The following GLIS3 variants were observed in gnomAD, a reference collection of about 807,000 sequenced individuals.
GLIS3 encodes the protein GLIS family zinc finger 3.
Under a neutral mutation model 78.6 loss-of-function variants are expected in GLIS3, and 53 were observed. The ratio of observed to expected loss-of-function variants is 0.67; its 90% CI spans 0.54 to 0.85. The LOEUF (loss-of-function observed/expected upper bound fraction) is 0.85, where lower values mean the gene tolerates loss of function less well. GLIS3 is among the 40% of genes least tolerant of loss of function. GLIS3 has a pLI of 0.00. For missense variants in GLIS3, 1,703 were observed against 1,231.1 expected (o/e 1.38, Z -5.74); for synonymous variants, 684 against 509.9 (o/e 1.34, Z -4.60).
intron 9 of GLIS3, among the ~76,000 whole-genome samples, chr9:3,842,472 A>C (rs1184639369): frequency 6.6e-6 from 1 of 152,186 alleles, no homozygotes; most frequent in Non-Finnish European, 1.5e-5. Flanking sequence ...ACTCTGTCTC[A>C]AAAAGACCTC....
At chr9:4,234,859 A>T (rs903744559) in intron 2 of GLIS3, among the ~76,000 whole-genome samples, 3 of 152,206 alleles carry the variant, frequency 2.0e-5, no homozygotes, top group Non-Finnish European at 4.4e-5. Flanking sequence ...GGTTTATCTG[A>T]CTATGGACCT....
At chr9:4,324,618 A>G (rs1362664222) in intron 2 of GLIS3, among the ~76,000 whole-genome samples, 1 of 152,212 alleles carries the variant, frequency 6.6e-6, no homozygotes. Flanking sequence ...AGATTCTGAA[A>G]TATCTTCTCA....
the GLIS3 span, among the ~76,000 whole-genome samples, chr9:4,454,138 T>A: frequency 7.7e-6 from 1 of 129,872 alleles, no homozygotes; most frequent in Admixed American, 8.4e-5. Context: ...TTTTGACAAA[T>A]GTATATGATG....
chr9:4,130,166 T>G (rs559628665), intron 2 of GLIS3, among the ~76,000 whole-genome samples: 1 of 152,316 alleles, frequency 6.6e-6, no homozygotes, highest in South Asian at 2.1e-4. Context: ...TTTATATATG[T>G]GAGCAAAGAA....
At chr9:4,251,726 T>C (rs1824410174) in intron 2 of GLIS3, among the ~76,000 whole-genome samples, 1 of 152,224 alleles carries the variant, frequency 6.6e-6, no homozygotes, top group African/African-American at 2.4e-5. Flanking sequence ...TTGGTATGTT[T>C]TTGCAGTGGC....
rs1821111601 is a variant in GLIS3, at chr9:3,873,663, GA to G, written c.2297+5763del. Among the ~76,000 whole-genome samples the G allele has an allele frequency of 2.0e-5, 3 of 151,156 alleles. No individual in the cohort carries two copies. In the South Asian group the frequency reaches 6.2e-4, roughly 31 times the overall value. On this transcript the variant is annotated intron_variant, in intron 8 of 10. Transcript: ENST00000381971. ...TAAATTTGCACAAAAATAAAATAAA[GA>G]TAAAAAATAAAGAAAATAAAGTCAA...
intron 2 of GLIS3, among the ~76,000 whole-genome samples, chr9:4,176,163 T>G (rs919142762): frequency 6.6e-6 from 1 of 152,132 alleles, no homozygotes; most frequent in African/African-American, 2.4e-5. Context: ...AATCAAGATC[T>G]GGTGGCACTT....
At chr9:3,891,060 C>T (rs55661234) in intron 7 of GLIS3, among the ~76,000 whole-genome samples, 19,378 of 92,640 alleles carry the variant, frequency 0.21, 1,544 homozygotes, top group South Asian at 0.27. Flanking sequence ...CTTTTCCTTC[C>T]TTCCTCAAAA....
intron 8 of GLIS3, among the ~76,000 whole-genome samples, chr9:3,868,541 CTT>C (rs1311125103): frequency 6.6e-6 from 1 of 152,188 alleles, no homozygotes; most frequent in Admixed American, 6.5e-5. Context: ...AAAACAGTGT[CTT>C]TGGCTATTTG....
intron 2 of GLIS3, among the ~76,000 whole-genome samples, chr9:4,211,245 T>C (rs1269104025): frequency 2.0e-5 from 3 of 152,232 alleles, no homozygotes; most frequent in African/African-American, 7.2e-5. Context: ...TGGACTCCAT[T>C]TGTTTATGTA....
the GLIS3 span, among the ~76,000 whole-genome samples, chr9:4,423,789 G>A: frequency 0.18 from 27,154 of 151,978 alleles, 2,678 homozygotes; most frequent in Middle Eastern, 0.26. Flanking sequence ...CTAGACCTTC[G>A]GCTACCTTAT....
the GLIS3 span, among the ~76,000 whole-genome samples, chr9:4,371,438 G>A: frequency 6.6e-6 from 1 of 152,176 alleles, no homozygotes; most frequent in Non-Finnish European, 1.5e-5. Flanking sequence ...TTGAACTTCT[G>A]TATGTGGCCT....
At chr9:4,009,522 C>T (rs1480169927) in intron 4 of GLIS3, among the ~76,000 whole-genome samples, 3 of 152,170 alleles carry the variant, frequency 2.0e-5, no homozygotes, top group South Asian at 4.1e-4. Flanking sequence ...GGACCAGTTT[C>T]GTGCTGGGGA....
At chr9:4,188,265 T>G (rs4292746) in intron 2 of GLIS3, among the ~76,000 whole-genome samples, 42,027 of 150,890 alleles carry the variant, frequency 0.28, 7,051 homozygotes, top group South Asian at 0.53. Flanking sequence ...CATGTGGTTT[T>G]TGTCTTTGGT....
chr9:4,227,650 T>C (rs1433171239), intron 2 of GLIS3, among the ~76,000 whole-genome samples: 1 of 152,190 alleles, frequency 6.6e-6, no homozygotes. Flanking sequence ...GGGATAAAGA[T>C]ATACAGCAGA....
At chr9:4,291,568 G>A (rs1815979276) in intron 1 of GLIS3, among the ~76,000 whole-genome samples, 1 of 152,046 alleles carries the variant, frequency 6.6e-6, no homozygotes, top group Non-Finnish European at 1.5e-5. Context: ...AATATGGGTA[G>A]TAAATATGAA....
intron 4 of GLIS3, among the ~76,000 whole-genome samples, chr9:3,980,985 T>C (rs556398276): frequency 2.6e-5 from 4 of 152,234 alleles, no homozygotes; most frequent in Admixed American, 2.0e-4. Context: ...AGCTCTACGC[T>C]GCTCTGCTGA....
chr9:4,347,370 T>C (rs1817909578), intron 1 of GLIS3, among the ~76,000 whole-genome samples: 3 of 152,020 alleles, frequency 2.0e-5, no homozygotes, highest in Admixed American at 2.0e-4. Flanking sequence ...ACCTCCAACA[T>C]ATGGGATCAC....
chr9:3,973,976 A>T (rs1464886192), intron 4 of GLIS3, among the ~76,000 whole-genome samples: 1 of 152,198 alleles, frequency 6.6e-6, no homozygotes, highest in Non-Finnish European at 1.5e-5. Context: ...GAAAATTCTT[A>T]TAAAAAAATC....
Sources: gnomAD v4.1 joint callset for allele counts (sites outside exome capture counted in the v4.1 genomes callset) on GRCh38, gnomAD v4.1.1 for gene constraint, MANE v1.5 for transcripts, NCBI Gene and HGNC (gene_info 2026-07-23, HGNC 2026-07-21) for gene names.